RNF180: variants seen among roughly 807,000 people sequenced by gnomAD.
The protein encoded by RNF180 is ring finger protein 180.
Under a neutral mutation model 59.2 loss-of-function variants are expected in RNF180, and 38 were observed. The ratio of observed to expected loss-of-function variants is 0.64; its 90% CI spans 0.50 to 0.84. The LOEUF (loss-of-function observed/expected upper bound fraction) is 0.84, where lower values mean the gene tolerates loss of function less well. Ranked by LOEUF, RNF180 falls within the 40% of genes least tolerant of loss-of-function variation. The pLI, the probability that RNF180 is intolerant of heterozygous loss-of-function variation, is 0.00. For synonymous variants in RNF180, 262 were observed against 240.3 expected (o/e 1.09, Z -0.84); for missense variants, 705 against 700.9 (o/e 1.01, Z -0.07).
chr5:64,268,630 A>G (rs1410597928), intron 5 of RNF180, among the ~76,000 whole-genome samples: 1 of 152,184 alleles, frequency 6.6e-6, no homozygotes, highest in African/African-American at 2.4e-5. Context: ...AAGATTTTGA[A>G]TCTTTCAACT....
chr5:64,285,508 G>T (rs910358636), intron 5 of RNF180, among the ~76,000 whole-genome samples: 1 of 151,872 alleles, frequency 6.6e-6, no homozygotes, highest in Middle Eastern at 3.2e-3. Flanking sequence ...GGTTGCAGTG[G>T]GGGTAGACCA....
chr5:64,303,883 T>C (rs563245349), intron 5 of RNF180, among the ~76,000 whole-genome samples: 6 of 151,778 alleles, frequency 4.0e-5, no homozygotes, highest in African/African-American at 1.4e-4. Context: ...TAGGACTTCA[T>C]AGCCAGAGAG....
At chr5:64,325,890 G>GA (rs899678602) in intron 6 of RNF180, among the ~76,000 whole-genome samples, 1 of 152,020 alleles carries the variant, frequency 6.6e-6, no homozygotes, top group African/African-American at 2.4e-5. Flanking sequence ...CCTTGAACAG[G>GA]AAAAAAGTCA....
At chr5:64,259,265 C>T (rs532707622) in intron 5 of RNF180, among the ~76,000 whole-genome samples, 22 of 152,102 alleles carry the variant, frequency 1.4e-4, no homozygotes, top group Admixed American at 6.5e-4. Flanking sequence ...CTGAGAATCC[C>T]GACAGTAAGG....
intron 7 of RNF180, among the ~76,000 whole-genome samples, chr5:64,345,984 T>C (rs752546193): frequency 2.2e-4 from 25 of 115,946 alleles, no homozygotes; most frequent in Middle Eastern, 4.4e-3. Context: ...TTTGCAATCA[T>C]TGATTTTTTT....
intron 5 of RNF180, among the ~76,000 whole-genome samples, chr5:64,324,604 A>G (rs1196642701): frequency 1.3e-5 from 2 of 152,188 alleles, no homozygotes; most frequent in Non-Finnish European, 2.9e-5. Flanking sequence ...GAGGCTCATC[A>G]TGTTTCCCCA....
chr5:64,328,195 T>C (rs904519910), intron 6 of RNF180, among the ~76,000 whole-genome samples: 44 of 151,944 alleles, frequency 2.9e-4, no homozygotes, highest in Admixed American at 2.8e-3. Flanking sequence ...GTTAATACAA[T>C]ACCACTTTTT....
chr5:64,270,223 A>AC (rs757436206), intron 5 of RNF180, among the ~76,000 whole-genome samples: 49 of 152,256 alleles, frequency 3.2e-4, no homozygotes, highest in Non-Finnish European at 5.7e-4. Context: ...AACTAGCGCC[A>AC]CCCAAGTGAA....
chr5:64,191,747 C>A (rs1751172622), intron 1 of RNF180, among the ~76,000 whole-genome samples: 1 of 152,040 alleles, frequency 6.6e-6, no homozygotes, highest in African/African-American at 2.4e-5. Context: ...CATAAGTTGC[C>A]TTTTCACTCT....
At position 64,212,077 on chromosome 5, in the gene RNF180, T is replaced by C; in HGVS notation, c.148T>C (p.Ser50Pro). The C allele has an allele frequency of 6.3e-7, 1 of 1,581,402 alleles. No individual in the cohort carries two copies. Among genetic ancestry groups the C allele is most frequent in the Non-Finnish European group, 8.7e-7 (1 of 1,150,454 alleles). The stretch of plus-strand genomic sequence containing the variant: ...TTTTATTTAACAGGATAAAGATGAT[T>C]CAGTTGATGCTCAAAATATTTGTCA... ...ENQVIKDKDD[S>P]VDAQNICHVW... Residue 50 changes from serine (S) to proline (P), a missense_variant, in exon 3 of 8, where the codon TCA becomes CCA. Coordinates refer to ENST00000389100, the MANE Select transcript of RNF180 (RefSeq NM_001113561.2).
intron 5 of RNF180, among the ~76,000 whole-genome samples, chr5:64,238,037 TAC>T (rs1422859876): frequency 6.6e-6 from 1 of 152,214 alleles, no homozygotes; most frequent in Non-Finnish European, 1.5e-5. Context: ...AACAGACTAA[TAC>T]AGTCTATGAA....
intron 2 of RNF180, among the ~76,000 whole-genome samples, chr5:64,203,258 A>G (rs1362874202): frequency 1.3e-5 from 2 of 152,216 alleles, no homozygotes; most frequent in African/African-American, 4.8e-5. Flanking sequence ...AATGCAAACA[A>G]AATTCTGCCT....
chr5:64,370,577 G>A lies in RNF180; in HGVS notation c.*763G>A, dbSNP rs1476042666. 6.6e-6 allele frequency: 1 copy of A among 151,568 alleles called. No homozygotes were observed. The highest frequency in any genetic ancestry group is 1.5e-5 in the Non-Finnish European group (1 of 67,730). The allele number at this position is 151,568 out of a possible 1,614,324, so 9.4% of individuals were successfully genotyped here. ...GTAATTTAGTGATTCATTTAAGTAG[G>A]AGATGGTCAAATATATTGTAAATGT... is the stretch of plus-strand genomic sequence containing the variant. On this transcript the variant is annotated 3_prime_UTR_variant, in exon 8 of 8. Transcript: ENST00000389100.
chr5:64,267,402 G>T (rs554794034), intron 5 of RNF180, among the ~76,000 whole-genome samples: 1 of 151,800 alleles, frequency 6.6e-6, no homozygotes, highest in Non-Finnish European at 1.5e-5. Context: ...TGCACATTGT[G>T]CAGGTTAGTT....
intron 5 of RNF180, among the ~76,000 whole-genome samples, chr5:64,291,411 G>GTTTTT (rs1464671420): frequency 8.8e-6 from 1 of 113,918 alleles, no homozygotes; most frequent in African/African-American, 3.5e-5. Context: ...TCTGAAGTAT[G>GTTTTT]TTTTCTTTTT....
chr5:64,247,844 C>T (rs1267463708), intron 5 of RNF180, among the ~76,000 whole-genome samples: 1 of 152,186 alleles, frequency 6.6e-6, no homozygotes, highest in Non-Finnish European at 1.5e-5. Context: ...TATCACGCTA[C>T]CTGACTTTAA....
intron 1 of RNF180, among the ~76,000 whole-genome samples, chr5:64,193,199 G>T (rs1751272945): frequency 6.6e-6 from 1 of 151,790 alleles, no homozygotes; most frequent in African/African-American, 2.4e-5. Context: ...AAGTTCTACA[G>T]ATCTGATGTG....
chr5:64,175,855 T>A (rs1221488248), intron 1 of RNF180, among the ~76,000 whole-genome samples: 1 of 152,204 alleles, frequency 6.6e-6, no homozygotes, highest in East Asian at 1.9e-4. Flanking sequence ...CATCTAATTT[T>A]TTGTAGTTAT....
chr5:64,306,892 G>T (rs1743495726), intron 5 of RNF180, among the ~76,000 whole-genome samples: 1 of 150,700 alleles, frequency 6.6e-6, no homozygotes, highest in African/African-American at 2.4e-5. Flanking sequence ...AGTTAATGGG[G>T]GCAGCGCACC....
Sources: allele counts gnomAD v4.1 joint callset (sites outside exome capture counted in the v4.1 genomes callset), GRCh38; gene constraint gnomAD v4.1.1; transcripts MANE v1.5; gene names NCBI Gene and HGNC (gene_info 2026-07-23, HGNC 2026-07-21).